TMEM131L: variants seen among roughly 807,000 people sequenced by gnomAD.
TMEM131L encodes the protein transmembrane protein 131-like.
Under a neutral mutation model 192.2 loss-of-function variants are expected in TMEM131L, and 54 were observed. The ratio of observed to expected loss-of-function variants is 0.28; its 90% CI spans 0.23 to 0.35. The LOEUF (loss-of-function observed/expected upper bound fraction) is 0.35, where lower values mean the gene tolerates loss of function less well. TMEM131L is among the 10% of genes least tolerant of loss of function. TMEM131L has a pLI of 1.00. For missense variants in TMEM131L, 1,888 were observed against 1,972.9 expected, an observed-to-expected ratio of 0.96 and a Z score of 0.82; for synonymous variants, 701 against 704.9, an observed-to-expected ratio of 0.99 and a Z score of 0.09.
At chr4:153,511,450 G>C (rs1207517833) in intron 3 of TMEM131L, among the ~76,000 whole-genome samples, 1 of 152,118 alleles carries the variant, frequency 6.6e-6, no homozygotes. Context: ...ACATAGGGTA[G>C]AACAACAGGA....
intron 3 of TMEM131L, among the ~76,000 whole-genome samples, chr4:153,538,803 G>C (rs78947501): frequency 0.041 from 6,272 of 152,294 alleles, 346 homozygotes; most frequent in East Asian, 0.23. Flanking sequence ...GCAGCCGCTG[G>C]CTCCAGGAAG....
intron 31 of TMEM131L, among the ~76,000 whole-genome samples, chr4:153,629,048 C>T (rs1000358516): frequency 1.5e-4 from 23 of 152,302 alleles, no homozygotes; most frequent in African/African-American, 5.5e-4. Context: ...ACTCCTCTCC[C>T]TTTATTGCAA....
At chr4:153,585,420 C>T (rs1350034326) in intron 12 of TMEM131L, 38 bp from the exon 13 acceptor site, 1 of 1,605,716 alleles carries the variant, frequency 6.2e-7, no homozygotes, top group Non-Finnish European at 8.5e-7. Flanking sequence ...TGTTGTCCCA[C>T]ACTCAGGCCT....
At chr4:153,505,584 C>G (rs1733932881) in intron 3 of TMEM131L, among the ~76,000 whole-genome samples, 1 of 152,166 alleles carries the variant, frequency 6.6e-6, no homozygotes, top group South Asian at 2.1e-4. Flanking sequence ...CAGCCCATAA[C>G]ATGTCCTGAA....
intron 3 of TMEM131L, among the ~76,000 whole-genome samples, chr4:153,512,460 A>T (rs1734419419): frequency 6.6e-6 from 1 of 152,182 alleles, no homozygotes; most frequent in South Asian, 2.1e-4. Flanking sequence ...CTGATTGGAT[A>T]TTTTTAAGTC....
intron 3 of TMEM131L, among the ~76,000 whole-genome samples, chr4:153,526,928 G>A: frequency 6.6e-6 from 1 of 152,192 alleles, no homozygotes; most frequent in South Asian, 2.1e-4. Context: ...TGTAGGTTTT[G>A]GGGCCTTGAG....
At position 153,552,956 on chromosome 4, in the gene TMEM131L, T is replaced by C. The variant is rs548499383; in HGVS notation, c.308+2815T>C. ...TTGTTATTTTTTGTGTTTTTTTTTT[T>C]CCCTCAAACACTTTCAATCAAGGTT... On this transcript the variant is annotated intron_variant, in intron 4 of 34. Transcript: ENST00000409959. Among the ~76,000 whole-genome samples the C allele has an allele frequency of 1.1e-3, 173 of 151,816 alleles. 1 individual carries two copies. Among genetic ancestry groups the C allele is most frequent in the African/African-American group, 3.7e-3 (152 of 41,408 alleles).
Position 153,622,937 on chromosome 4 carries a change from A to G in TMEM131L, c.3899A>G (p.Lys1300Arg). The change falls in exon 29 of 35, where the codon AAG becomes AGG. Residue 1300 changes from lysine (K) to arginine (R), a missense_variant. Physicochemically the swap from Lys to Arg is conservative, Grantham distance 26. Coordinates refer to ENST00000409959, the MANE Select transcript of TMEM131L (RefSeq NM_001131007.2). ...AAGCCTGAGAAGAAATGTGTGGACA[A>G]GTTCTGCTCCGATTCCAGCTCTGAC... ...YQKPEKKCVD[K>R]FCSDSSSDCG... 6.2e-7 allele frequency: 1 copy of G among 1,614,226 alleles called. No individual in the cohort carries two copies. The highest frequency in any genetic ancestry group is 8.5e-7 in the Non-Finnish European group (1 of 1,180,034).
intron 13 of TMEM131L, 116 bp from the exon 14 acceptor site, chr4:153,586,093 A>G: frequency 1.4e-6 from 1 of 720,454 alleles, no homozygotes; most frequent in Non-Finnish European, 2.1e-6. Flanking sequence ...TCTGGAAATA[A>G]CTGAGTAAAA....
In TMEM131L at chr4:153,585,339, C is replaced by T. The variant is rs1470926154; in HGVS notation, c.1158-119C>T. 29 of 1,002,526 alleles carry T rather than the reference C, an allele frequency of 2.9e-5. 1 individual carries two copies. Among genetic ancestry groups the T allele is most frequent in the South Asian group, 2.3e-4 (16 of 68,950 alleles). The allele number at this position is 1,002,526 out of a possible 1,614,324, so 62.1% of individuals were successfully genotyped here. On this transcript the variant is annotated intron_variant, in intron 12 of 34. Transcript: ENST00000409959. ...AGGCGATTGCCGAGGTTGTCTCTGG[C>T]GCTAGCTTTCATTTAGTAACGTTTT...
chr4:153,634,115 G>A (rs1458851447), intron 32 of TMEM131L, 77 bp from the exon 33 acceptor site: 12 of 1,242,488 alleles, frequency 9.7e-6, no homozygotes, highest in East Asian at 9.3e-5. Flanking sequence ...ATGCTAGGCA[G>A]TAAAATCATT....
intron 4 of TMEM131L, among the ~76,000 whole-genome samples, chr4:153,550,835 G>A (rs1442022893): frequency 6.6e-6 from 1 of 152,150 alleles, no homozygotes; most frequent in Non-Finnish European, 1.5e-5. Flanking sequence ...CATGCTTACA[G>A]TTGTTAGGAT....
intron 3 of TMEM131L, among the ~76,000 whole-genome samples, chr4:153,511,667 C>T (rs2150076065): frequency 6.6e-6 from 1 of 152,242 alleles, no homozygotes; most frequent in East Asian, 1.9e-4. Context: ...CTTTTTCCAT[C>T]TATATATGTA....
chr4:153,595,724 A>C (rs200421031), intron 19 of TMEM131L, among the ~76,000 whole-genome samples: 76 of 149,750 alleles, frequency 5.1e-4, no homozygotes, highest in African/African-American at 1.6e-3. Context: ...CAAAAAAAAA[A>C]AAAAACACGA....
intron 3 of TMEM131L, among the ~76,000 whole-genome samples, chr4:153,493,154 G>T (rs1732906194): frequency 6.6e-6 from 1 of 151,544 alleles, no homozygotes; most frequent in African/African-American, 2.4e-5. Flanking sequence ...AGACCATCCT[G>T]GCTAACATGG....
intron 25 of TMEM131L, among the ~76,000 whole-genome samples, chr4:153,610,355 A>G (rs1380804325): frequency 6.6e-6 from 1 of 152,226 alleles, no homozygotes; most frequent in Non-Finnish European, 1.5e-5. Context: ...TTGTATTTCC[A>G]TCACAGCCAA....
intron 20 of TMEM131L, 73 bp from the exon 21 acceptor site, chr4:153,598,517 T>C: frequency 8.1e-7 from 1 of 1,236,714 alleles, no homozygotes; most frequent in Non-Finnish European, 1.1e-6. Flanking sequence ...TAACTGGGAA[T>C]ATTTAAATTT....
At chr4:153,590,319 T>G (rs1730981866) in intron 16 of TMEM131L, among the ~76,000 whole-genome samples, 1 of 152,246 alleles carries the variant, frequency 6.6e-6, no homozygotes, top group Non-Finnish European at 1.5e-5. Context: ...GGTTAAATGT[T>G]TCTGGCAAGA....
intron 3 of TMEM131L, among the ~76,000 whole-genome samples, chr4:153,542,029 AAT>A (rs1736822803): frequency 6.6e-6 from 1 of 152,206 alleles, no homozygotes; most frequent in South Asian, 2.1e-4. Flanking sequence ...GCCCTTTCCG[AAT>A]CCAGGAGGGA....
Sources: allele counts gnomAD v4.1 joint callset (sites outside exome capture counted in the v4.1 genomes callset), GRCh38; gene constraint gnomAD v4.1.1; transcripts MANE v1.5; gene names NCBI Gene and HGNC (gene_info 2026-07-23, HGNC 2026-07-21).